CDKAL1: variants seen among roughly 807,000 people sequenced by gnomAD.
CDKAL1 encodes threonylcarbamoyladenosine tRNA methylthiotransferase.
In CDKAL1, 32 loss-of-function variants were observed where a neutral mutation model predicts 68.2. The observed-to-expected ratio is 0.47, with a 90% CI of 0.35 to 0.63. The LOEUF is 0.63. CDKAL1 is among the 30% of genes least tolerant of loss of function. The probability of loss-of-function intolerance (pLI) is 0.00; values close to 1 mark genes in which losing one functional copy is unlikely to be tolerated. For missense variants in CDKAL1, 606 were observed against 696.7 expected, an observed-to-expected ratio of 0.87 and a Z score of 1.47; for synonymous variants, 234 against 244.3, an observed-to-expected ratio of 0.96 and a Z score of 0.39.
rs189189399 is a variant in CDKAL1 at position 21,204,155 on chromosome 6, A to G, written c.1548+2881A>G. ...TAGTTTGAAAAATTATCTGAAAGCC[A>G]TCATCAAAGATTGGGATCAAGGATT... On this transcript the variant is annotated intron_variant, in intron 15 of 15. Coordinates refer to ENST00000274695, the MANE Select transcript of CDKAL1 (RefSeq NM_017774.3). Among the ~76,000 whole-genome samples, 8 of 152,350 alleles carry G rather than the reference A, an allele frequency of 5.3e-5. No homozygotes were observed. In the East Asian group the frequency reaches 1.3e-3, roughly 26 times the overall value.
At position 20,739,634 on chromosome 6, in the gene CDKAL1, C is replaced by CA. The variant is rs779617690; in HGVS notation, c.468+24dup. ...CATTGGGGTAAGCTTGTACCTGATGCAAAAAGAGAAAATCTTACATTGTTA... is the reference window on the plus strand; with the variant it reads ...CATTGGGGTAAGCTTGTACCTGATGCAAAAAAGAGAAAATCTTACATTGTTA... On this transcript the variant is annotated intron_variant, in intron 6 of 15. Coordinates refer to ENST00000274695, the MANE Select transcript of CDKAL1 (RefSeq NM_017774.3). The CA allele has an allele frequency of 1.4e-5, 20 of 1,423,478 alleles. No homozygotes were observed. Among genetic ancestry groups the CA allele is most frequent in the Middle Eastern group, 1.8e-4 (1 of 5,634 alleles). 88.2% of individuals were successfully genotyped at this position (1,423,478 alleles called of 1,614,324 possible). A position where few individuals can be genotyped will look rare whatever the true frequency, so the allele number is the denominator to read the frequency against.
chr6:20,923,799 C>T (rs183416455), intron 9 of CDKAL1, among the ~76,000 whole-genome samples: 1 of 152,268 alleles, frequency 6.6e-6, no homozygotes, highest in Non-Finnish European at 1.5e-5. Flanking sequence ...ATTGCTTGAC[C>T]TCAGGAGTTC....
At chr6:20,878,550 G>T (rs1043290331) in intron 9 of CDKAL1, among the ~76,000 whole-genome samples, 3 of 151,952 alleles carry the variant, frequency 2.0e-5, no homozygotes, top group African/African-American at 7.3e-5. Context: ...GACCAGCCTG[G>T]CCAACATGGT....
chr6:20,701,682 A>G (rs1771367967), intron 5 of CDKAL1, among the ~76,000 whole-genome samples: 2 of 151,572 alleles, frequency 1.3e-5, no homozygotes, highest in Non-Finnish European at 2.9e-5. Context: ...TTTCCCCTTC[A>G]CCATTAGGGA....
intron 11 of CDKAL1, among the ~76,000 whole-genome samples, chr6:21,005,192 C>A (rs75650082): frequency 0.012 from 1,811 of 152,014 alleles, 46 homozygotes; most frequent in African/African-American, 0.04. Context: ...AATTAGGGTT[C>A]CCAGGGCCTT....
chr6:21,231,651 A>T lies in CDKAL1; in HGVS notation c.*612A>T, dbSNP rs35121088. 23,598 of 151,782 alleles carry T rather than the reference A, an allele frequency of 0.16. 1,838 individuals carry two copies. The highest frequency in any genetic ancestry group is 0.21 in the Middle Eastern group (63 of 294). The allele number at this position is 151,782 out of a possible 1,614,324, so 9.4% of individuals were successfully genotyped here. A position where few individuals can be genotyped will look rare whatever the true frequency, so the allele number is the denominator to read the frequency against. ...ACCATGTTGGCCAGGCTAGTCTCGAACTCCTGACCTCAAGTGATCCGCCCG... is the reference window on the plus strand; with the variant it reads ...ACCATGTTGGCCAGGCTAGTCTCGATCTCCTGACCTCAAGTGATCCGCCCG... On this transcript the variant is annotated 3_prime_UTR_variant, in exon 16 of 16. Transcript: ENST00000274695.
At chr6:20,999,108 A>G (rs1282265302) in intron 10 of CDKAL1, among the ~76,000 whole-genome samples, 4 of 152,210 alleles carry the variant, frequency 2.6e-5, no homozygotes, top group African/African-American at 7.2e-5. Context: ...AAAGTGCAAT[A>G]CTTTGAAAAC....
intron 11 of CDKAL1, among the ~76,000 whole-genome samples, chr6:21,004,607 T>C (rs1381092883): frequency 6.6e-6 from 1 of 152,122 alleles, no homozygotes; most frequent in Non-Finnish European, 1.5e-5. Flanking sequence ...TAAAATGGGA[T>C]TTGTAGGGAT....
intron 9 of CDKAL1, among the ~76,000 whole-genome samples, chr6:20,941,544 A>T (rs1349070111): frequency 6.6e-6 from 1 of 152,188 alleles, no homozygotes; most frequent in Non-Finnish European, 1.5e-5. Flanking sequence ...TTATTTTAAA[A>T]AATTGTCTGT....
chr6:20,698,067 A>G (rs1287111551), intron 5 of CDKAL1, among the ~76,000 whole-genome samples: 2 of 152,154 alleles, frequency 1.3e-5, no homozygotes, highest in African/African-American at 4.8e-5. Flanking sequence ...TTTTCCTACC[A>G]ATGGTGGGTT....
intron 8 of CDKAL1, among the ~76,000 whole-genome samples, chr6:20,796,569 A>G (rs1169384050): frequency 1.3e-5 from 2 of 152,216 alleles, no homozygotes; most frequent in African/African-American, 2.4e-5. Context: ...GAATCACACC[A>G]TCCTAGTTTA....
rs1472762952 is a variant in CDKAL1 at position 20,849,677 on chromosome 6, G to T, written c.742+3499G>T. The stretch of plus-strand genomic sequence containing the variant: ...AAGTCTAATTTTGGGTAAGAATATT[G>T]TAACATCCATAGCAAAAACATTAAT... On this transcript the variant is annotated intron_variant, in intron 9 of 15. Coordinates refer to ENST00000274695, the MANE Select transcript of CDKAL1 (RefSeq NM_017774.3). Among the ~76,000 whole-genome samples the T allele has an allele frequency of 4.0e-5, 6 of 151,276 alleles. No homozygotes were observed. The East Asian group carries it at 1.2e-3, about 29-fold the overall frequency.
Position 21,196,105 on chromosome 6 carries a change from T to C in CDKAL1, c.1300-1916T>C, listed in dbSNP as rs137911809. Among the ~76,000 whole-genome samples the C allele has an allele frequency of 1.2e-3, 190 of 152,298 alleles. 1 individual carries two copies. Among genetic ancestry groups the C allele is most frequent in the African/African-American group, 4.4e-3 (181 of 41,562 alleles). Reference sequence around the variant, plus strand: ...CAGATGAAATAGAGCAGCCCAAACATGATGGGCCTTACTCTCCACGTTGAT... The same window carrying C: ...CAGATGAAATAGAGCAGCCCAAACACGATGGGCCTTACTCTCCACGTTGAT... On this transcript the variant is annotated intron_variant, in intron 13 of 15. Coordinates refer to ENST00000274695, the MANE Select transcript of CDKAL1 (RefSeq NM_017774.3).
intron 13 of CDKAL1, among the ~76,000 whole-genome samples, chr6:21,167,892 G>T (rs960563859): frequency 1.3e-5 from 2 of 152,122 alleles, no homozygotes; most frequent in Non-Finnish European, 2.9e-5. Context: ...ATCTCATTCC[G>T]CAGATGTCTT....
At chr6:20,657,830 T>G (rs1023066394) in intron 5 of CDKAL1, among the ~76,000 whole-genome samples, 1 of 152,184 alleles carries the variant, frequency 6.6e-6, no homozygotes, top group African/African-American at 2.4e-5. Flanking sequence ...CTTTTCACCT[T>G]AGAAATCTGA....
At chr6:20,711,348 G>T (rs1192086106) in intron 5 of CDKAL1, among the ~76,000 whole-genome samples, 1 of 152,150 alleles carries the variant, frequency 6.6e-6, no homozygotes, top group Non-Finnish European at 1.5e-5. Context: ...AATAGTGTCA[G>T]ACTTCTACAT....
chr6:20,550,025 C>G (rs1763756568), intron 4 of CDKAL1, among the ~76,000 whole-genome samples: 1 of 151,814 alleles, frequency 6.6e-6, no homozygotes. Flanking sequence ...GTTGCCCAGG[C>G]TGGAGTACAG....
intron 11 of CDKAL1, among the ~76,000 whole-genome samples, chr6:21,039,588 G>A (rs574382228): frequency 6.6e-6 from 1 of 152,130 alleles, no homozygotes; most frequent in Non-Finnish European, 1.5e-5. Flanking sequence ...TTACAGGTCA[G>A]TACCTTTGCA....
chr6:20,598,536 A>G (rs985965492), intron 4 of CDKAL1, among the ~76,000 whole-genome samples: 1 of 152,078 alleles, frequency 6.6e-6, no homozygotes, highest in South Asian at 2.1e-4. Flanking sequence ...TAATGACATG[A>G]CCTCCCATCT....
Sources: gnomAD v4.1 joint callset for allele counts (sites outside exome capture counted in the v4.1 genomes callset) on GRCh38, gnomAD v4.1.1 for gene constraint, MANE v1.5 for transcripts, NCBI Gene and HGNC (gene_info 2026-07-23, HGNC 2026-07-21) for gene names.